CADPS2: variants seen among roughly 807,000 people sequenced by gnomAD.
CADPS2 encodes the protein calcium-dependent secretion activator 2.
In CADPS2, 93 loss-of-function variants were observed where a neutral mutation model predicts 172.5. The ratio of observed to expected loss-of-function variants is 0.54; its 90% CI spans 0.46 to 0.64. CADPS2 has a LOEUF of 0.64. Among genes scored for constraint, CADPS2 ranks in the 30% least tolerant of loss-of-function variants. The probability of loss-of-function intolerance (pLI) is 0.00; values close to 1 mark genes in which losing one functional copy is unlikely to be tolerated. For synonymous variants in CADPS2, 546 were observed against 555.2 expected (o/e 0.98, Z 0.23); for missense variants, 1,420 against 1,565.9 (o/e 0.91, Z 1.57).
At chr7:122,655,118 A>C in intron 3 of CADPS2, among the ~76,000 whole-genome samples, 1 of 152,224 alleles carries the variant, frequency 6.6e-6, no homozygotes, top group East Asian at 1.9e-4. Flanking sequence ...CTTATGGACG[A>C]ACAAAGAAAG....
At chr7:122,366,396 C>A (rs1200415739) in intron 25 of CADPS2, among the ~76,000 whole-genome samples, 1 of 148,540 alleles carries the variant, frequency 6.7e-6, no homozygotes, top group African/African-American at 2.5e-5. Context: ...CGAGGTCAGG[C>A]ATTTGAGACC....
intron 1 of CADPS2, among the ~76,000 whole-genome samples, chr7:122,795,772 T>C (rs908957045): frequency 2.6e-5 from 4 of 152,118 alleles, no homozygotes; most frequent in Admixed American, 6.6e-5. Context: ...GGGCAAAAGC[T>C]GGAAGCATTC....
intron 2 of CADPS2, 117 bp downstream of exon 2, chr7:122,736,838 A>G (rs2092185672): frequency 3.4e-6 from 2 of 588,402 alleles, no homozygotes; most frequent in African/African-American, 3.8e-5. Context: ...AAAAGGTTGC[A>G]AATTCACAGC....
At chr7:122,674,287 G>A (rs1158137564) in intron 2 of CADPS2, among the ~76,000 whole-genome samples, 7 of 152,228 alleles carry the variant, frequency 4.6e-5, no homozygotes, top group Non-Finnish European at 8.8e-5. Context: ...ACAGCGCAGC[G>A]GTGGGCTGAA....
intron 3 of CADPS2, among the ~76,000 whole-genome samples, chr7:122,633,039 T>A (rs1439005962): frequency 6.6e-6 from 1 of 152,176 alleles, no homozygotes; most frequent in Non-Finnish European, 1.5e-5. Flanking sequence ...TTCTCTATGC[T>A]GCTCCATTTG....
chr7:122,646,269 T>C (rs1464397246), intron 3 of CADPS2, among the ~76,000 whole-genome samples: 7 of 152,150 alleles, frequency 4.6e-5, no homozygotes, highest in Non-Finnish European at 2.9e-5. Flanking sequence ...GTAACATTAC[T>C]GTACATATGG....
At chr7:122,452,515 C>A (rs997577739) in intron 14 of CADPS2, among the ~76,000 whole-genome samples, 21 of 152,316 alleles carry the variant, frequency 1.4e-4, no homozygotes, top group African/African-American at 4.6e-4. Flanking sequence ...CCTGCCTCAG[C>A]CTCCTGAGCA....
chr7:122,734,651 T>G (rs2092013499), intron 2 of CADPS2, among the ~76,000 whole-genome samples: 1 of 151,964 alleles, frequency 6.6e-6, no homozygotes, highest in Non-Finnish European at 1.5e-5. Context: ...CAAAATATAC[T>G]TCTAAAAAAA....
At chr7:122,404,145 T>C (rs939497206) in intron 20 of CADPS2, among the ~76,000 whole-genome samples, 3 of 151,236 alleles carry the variant, frequency 2.0e-5, no homozygotes, top group Admixed American at 6.6e-5. Flanking sequence ...CTCCCCCCTC[T>C]CCCCACCCCA....
intron 2 of CADPS2, among the ~76,000 whole-genome samples, chr7:122,711,820 T>G (rs2088784646): frequency 6.6e-6 from 1 of 151,830 alleles, no homozygotes; most frequent in South Asian, 2.1e-4. Flanking sequence ...ACCCGGCTAA[T>G]TTTTGTATTT....
At chr7:122,752,769 T>C (rs2093002331) in intron 1 of CADPS2, among the ~76,000 whole-genome samples, 1 of 152,138 alleles carries the variant, frequency 6.6e-6, no homozygotes, top group Non-Finnish European at 1.5e-5. Flanking sequence ...CCTCAGTCCT[T>C]TGAAGTATGT....
At chr7:122,867,290 C>T (rs1393165992) in intron 1 of CADPS2, among the ~76,000 whole-genome samples, 2 of 152,144 alleles carry the variant, frequency 1.3e-5, no homozygotes, top group Non-Finnish European at 2.9e-5. Flanking sequence ...AAATAGGGGG[C>T]TCCTGACTGT....
intron 3 of CADPS2, among the ~76,000 whole-genome samples, chr7:122,634,084 T>A (rs2076827162): frequency 6.6e-6 from 1 of 152,186 alleles, no homozygotes; most frequent in Non-Finnish European, 1.5e-5. Context: ...TTTTGTTTGG[T>A]AGTATTGTAT....
chr7:122,779,704 C>A (rs1792172414), intron 1 of CADPS2, among the ~76,000 whole-genome samples: 1 of 152,152 alleles, frequency 6.6e-6, no homozygotes, highest in Non-Finnish European at 1.5e-5. Context: ...AATGTCACAG[C>A]AAGCAAAGCC....
At position 122,569,667 on chromosome 7, in the gene CADPS2, C is replaced by T. The variant is rs867587694; in HGVS notation, c.1335+11512G>A. Reference sequence around the variant, plus strand: ...CTACAGTAACCAAAACAGCATGGTACTGGTACCAAAACAGAGATATAGATC... The same window carrying T: ...CTACAGTAACCAAAACAGCATGGTATTGGTACCAAAACAGAGATATAGATC... On this transcript the variant is annotated intron_variant, in intron 7 of 29. Transcript: ENST00000449022. 3.7e-4 allele frequency among the ~76,000 whole-genome samples: 53 copies of T among 142,504 alleles called. 1 individual carries two copies. Among genetic ancestry groups the T allele is most frequent in the African/African-American group, 1.5e-3 (52 of 35,790 alleles). The allele number at this position is 142,504 out of a possible 152,430, so 93.5% of individuals were successfully genotyped here. A position where few individuals can be genotyped will look rare whatever the true frequency, so the allele number is the denominator to read the frequency against.
At chr7:122,533,167 C>G (rs934791415) in intron 8 of CADPS2, among the ~76,000 whole-genome samples, 4 of 152,032 alleles carry the variant, frequency 2.6e-5, no homozygotes, top group African/African-American at 7.2e-5. Flanking sequence ...GTGCCAGATG[C>G]TAGAGAAATT....
chr7:122,410,330 C>A (rs148343149), intron 19 of CADPS2, among the ~76,000 whole-genome samples: 1 of 151,336 alleles, frequency 6.6e-6, no homozygotes, highest in Non-Finnish European at 1.5e-5. Context: ...GGTGACAGAG[C>A]GAGACACTGT....
intron 1 of CADPS2, among the ~76,000 whole-genome samples, chr7:122,785,723 G>A (rs1181972304): frequency 6.6e-6 from 1 of 152,018 alleles, no homozygotes; most frequent in Non-Finnish European, 1.5e-5. Context: ...CTACCCCCAG[G>A]AATCTTCTGA....
At position 122,820,781 on chromosome 7, in the gene CADPS2, G is replaced by T. The variant is rs1245564960; in HGVS notation, c.339+65218C>A. ...TCACCTTGTTAGCCAGGATGGTCTC[G>T]ATCTCCTGACCTCGTGATCCGCCCG... On this transcript the variant is annotated intron_variant, in intron 1 of 29. Coordinates refer to ENST00000449022, the MANE Select transcript of CADPS2 (RefSeq NM_017954.11). Among the ~76,000 whole-genome samples the T allele has an allele frequency of 3.7e-5, 5 of 135,406 alleles. 2 individuals carry two copies. The highest frequency in any genetic ancestry group is 7.9e-5 in the Non-Finnish European group (5 of 63,264). 88.8% of individuals were successfully genotyped at this position (135,406 alleles called of 152,430 possible).
Sources: gnomAD v4.1 joint callset for allele counts (sites outside exome capture counted in the v4.1 genomes callset) on GRCh38, gnomAD v4.1.1 for gene constraint, MANE v1.5 for transcripts, NCBI Gene and HGNC (gene_info 2026-07-23, HGNC 2026-07-21) for gene names.